The following KHDRBS2 variants were observed in gnomAD, a reference collection of about 807,000 sequenced individuals.
KHDRBS2 encodes the protein KH domain-containing, RNA-binding, signal transduction-associated protein 2.
A neutral mutation model predicts 44.3 loss-of-function variants in KHDRBS2; 26 were observed. The ratio of observed to expected loss-of-function variants is 0.59; its 90% confidence interval spans 0.43 to 0.81. KHDRBS2 has a LOEUF of 0.81. KHDRBS2 is among the 40% of genes least tolerant of loss of function. The probability of loss-of-function intolerance (pLI) is 0.00; values close to 1 mark genes in which losing one functional copy is unlikely to be tolerated. For synonymous variants in KHDRBS2, 194 were observed against 151.1 expected (o/e 1.28, Z -2.08); for missense variants, 476 against 433.1 (o/e 1.10, Z -0.88).
At chr6:61,661,922 A>C in the KHDRBS2 span, among the ~76,000 whole-genome samples, 1 of 151,998 alleles carries the variant, frequency 6.6e-6, no homozygotes, top group Admixed American at 6.6e-5. Context: ...GGAACCAAAA[A>C]AGAGCCCGCA....
intron 2 of KHDRBS2, among the ~76,000 whole-genome samples, chr6:62,131,871 T>C (rs1344030364): frequency 6.6e-6 from 1 of 152,200 alleles, no homozygotes; most frequent in Admixed American, 6.5e-5. Context: ...TGGTTTATAC[T>C]TTTTTTGTTG....
intron 6 of KHDRBS2, among the ~76,000 whole-genome samples, chr6:61,811,730 T>C (rs1788152633): frequency 6.6e-6 from 1 of 152,110 alleles, no homozygotes. Flanking sequence ...ATTTTTTTTA[T>C]TCCCAAGATT....
intron 6 of KHDRBS2, chr6:61,816,846 C>T (rs1167141991): frequency 1.2e-5 from 5 of 410,636 alleles, no homozygotes; most frequent in South Asian, 3.5e-5. Flanking sequence ...AAATATTCCT[C>T]TTAAATCTAT....
chr6:62,279,896 A>G (rs1332313940), intron 1 of KHDRBS2, among the ~76,000 whole-genome samples: 1 of 152,188 alleles, frequency 6.6e-6, no homozygotes, highest in Non-Finnish European at 1.5e-5. Flanking sequence ...TTTGGCCTCT[A>G]CCTGGCACCA....
intron 2 of KHDRBS2, among the ~76,000 whole-genome samples, chr6:62,105,510 GTGTA>G: frequency 6.6e-6 from 1 of 152,228 alleles, no homozygotes; most frequent in East Asian, 1.9e-4. Context: ...TCTTGGGAGG[GTGTA>G]TGTGTCGAGG....
At chr6:62,034,340 CT>C (rs1784870321) in intron 3 of KHDRBS2, among the ~76,000 whole-genome samples, 1 of 151,782 alleles carries the variant, frequency 6.6e-6, no homozygotes, top group Non-Finnish European at 1.5e-5. Context: ...GCCCAGTACC[CT>C]GATACCAAAA....
intron 3 of KHDRBS2, among the ~76,000 whole-genome samples, chr6:62,041,289 C>T (rs941461852): frequency 1.3e-5 from 2 of 152,002 alleles, no homozygotes; most frequent in East Asian, 3.9e-4. Flanking sequence ...CGAGACTGCA[C>T]CACTACACTC....
intron 2 of KHDRBS2, among the ~76,000 whole-genome samples, chr6:62,125,465 C>T (rs1370450577): frequency 6.6e-6 from 1 of 152,290 alleles, no homozygotes; most frequent in East Asian, 1.9e-4. Context: ...CTATGTTGGG[C>T]TCAGAGCCAG....
chr6:62,104,245 C>T (rs1802596367), intron 2 of KHDRBS2, among the ~76,000 whole-genome samples: 1 of 152,090 alleles, frequency 6.6e-6, no homozygotes, highest in Non-Finnish European at 1.5e-5. Context: ...CTCCAGTGTA[C>T]CTAGAACATT....
chr6:61,697,438 T>G (rs1165905074), intron 7 of KHDRBS2, among the ~76,000 whole-genome samples, 185 bp from the exon 8 acceptor site: 1 of 151,974 alleles, frequency 6.6e-6, no homozygotes, highest in South Asian at 2.1e-4. Flanking sequence ...GTGCTATGAT[T>G]TTTTTTAATG....
intron 4 of KHDRBS2, among the ~76,000 whole-genome samples, chr6:61,903,963 C>T (rs1331566969): frequency 1.2e-4 from 19 of 152,178 alleles, no homozygotes; most frequent in African/African-American, 4.3e-4. Flanking sequence ...ATCACCTGGC[C>T]AACCCCAGAA....
intron 4 of KHDRBS2, among the ~76,000 whole-genome samples, chr6:61,974,942 AAATAAAT>A: frequency 1.2e-5 from 1 of 81,978 alleles, no homozygotes; most frequent in African/African-American, 1.3e-4. Context: ...AAAAATAAAT[AAATAAAT>A]AAATAAATAA....
At chr6:61,791,171 T>G (rs1327863245) in intron 6 of KHDRBS2, among the ~76,000 whole-genome samples, 1 of 151,446 alleles carries the variant, frequency 6.6e-6, no homozygotes, top group Non-Finnish European at 1.5e-5. Context: ...CGAAATTTAT[T>G]GCCATTATTT....
rs535068381 is a variant in KHDRBS2, at chr6:62,177,824, A to T, written c.92-512T>A. Among the ~76,000 whole-genome samples, 6 of 151,594 alleles carry T rather than the reference A, an allele frequency of 4.0e-5. No individual in the cohort carries two copies. The South Asian group carries it at 1.2e-3, about 31-fold the overall frequency. On this transcript the variant is annotated intron_variant, in intron 1 of 8. Coordinates refer to ENST00000281156, the MANE Select transcript of KHDRBS2 (RefSeq NM_152688.4). ...CATGATATTTCACTAGGAATCATAGAAAAGTCATATAAATGATTAAATCTA... is the reference window on the plus strand; with the variant it reads ...CATGATATTTCACTAGGAATCATAGTAAAGTCATATAAATGATTAAATCTA...
chr6:61,782,738 T>TATATATATATAC (rs1554206170), intron 6 of KHDRBS2, among the ~76,000 whole-genome samples: 1 of 117,880 alleles, frequency 8.5e-6, no homozygotes, highest in South Asian at 2.8e-4. Context: ...TATATATATA[T>TATATATATATAC]ACACACACAC....
the KHDRBS2 span, among the ~76,000 whole-genome samples, chr6:61,577,949 A>G: frequency 1.3e-5 from 2 of 152,188 alleles, no homozygotes. Context: ...TAATATCATC[A>G]AACACTATAA....
intron 1 of KHDRBS2, among the ~76,000 whole-genome samples, chr6:62,269,562 G>T (rs1363337558): frequency 8.5e-5 from 13 of 152,064 alleles, no homozygotes; most frequent in African/African-American, 3.1e-4. Flanking sequence ...TGAAGTGGCT[G>T]TTGTTAAAAA....
chr6:62,070,328 T>G (rs535961799), intron 2 of KHDRBS2, among the ~76,000 whole-genome samples: 40 of 112,164 alleles, frequency 3.6e-4, no homozygotes, highest in African/African-American at 1.2e-3. Flanking sequence ...TTGGAAAGTG[T>G]TCACTTCTTT....
intron 3 of KHDRBS2, among the ~76,000 whole-genome samples, chr6:61,984,368 C>T (rs968309657): frequency 2.0e-5 from 3 of 152,042 alleles, no homozygotes; most frequent in Admixed American, 6.5e-5. Flanking sequence ...AAATTTCTAG[C>T]GAAGTTTCAG....
Sources: gnomAD v4.1 joint callset for allele counts (sites outside exome capture counted in the v4.1 genomes callset) on GRCh38, gnomAD v4.1.1 for gene constraint, MANE v1.5 for transcripts, NCBI Gene and HGNC (gene_info 2026-07-23, HGNC 2026-07-21) for gene names.